The following FRS2 variants were observed in gnomAD, a reference collection of about 807,000 sequenced individuals.
The protein encoded by FRS2 is FGFR signalling adaptor.
In FRS2, 8 loss-of-function variants were observed where a neutral mutation model predicts 43.9. The ratio of observed to expected loss-of-function variants is 0.18; its 90% confidence interval spans 0.11 to 0.33. The LOEUF is 0.33. Ranked by LOEUF, FRS2 falls within the 10% of genes least tolerant of loss-of-function variation. The pLI, the probability that FRS2 is intolerant of heterozygous loss-of-function variation, is 1.00. For missense variants in FRS2, 534 were observed against 627.6 expected (o/e 0.85, Z 1.59); for synonymous variants, 219 against 220.3 (o/e 0.99, Z 0.05).
At chr12:69,498,332 C>T (rs1873097903) in intron 1 of FRS2, among the ~76,000 whole-genome samples, 1 of 152,034 alleles carries the variant, frequency 6.6e-6, no homozygotes, top group Non-Finnish European at 1.5e-5. Flanking sequence ...TGCTAATAGT[C>T]TAGTAGAGGC....
chr12:69,528,657 G>A (rs1467661280), intron 1 of FRS2, among the ~76,000 whole-genome samples: 2 of 152,140 alleles, frequency 1.3e-5, no homozygotes, highest in Admixed American at 6.5e-5. Context: ...TAGACACAAA[G>A]AAAGATCTAA....
At chr12:69,529,775 G>A (rs749927896) in intron 1 of FRS2, among the ~76,000 whole-genome samples, 47 of 151,982 alleles carry the variant, frequency 3.1e-4, no homozygotes, top group Non-Finnish European at 4.9e-4. Flanking sequence ...AAAAATACCC[G>A]TAGGCTGGAT....
rs906842752 is a variant in FRS2, at chr12:69,578,314, G to T, written c.*3359G>T. ...ATATTTCTGATGTGTGAGGTATATGGTACTAATTACCTTTTCCTTGATGTT... is the reference window on the plus strand; with the variant it reads ...ATATTTCTGATGTGTGAGGTATATGTTACTAATTACCTTTTCCTTGATGTT... On this transcript the variant is annotated 3_prime_UTR_variant, in exon 9 of 9. Coordinates refer to ENST00000549921, the MANE Select transcript of FRS2 (RefSeq NM_001278356.2). 8 of 152,640 alleles carry T rather than the reference G, an allele frequency of 5.2e-5. No individual in the cohort carries two copies. The South Asian group carries it at 6.2e-4, about 12-fold the overall frequency. The allele number at this position is 152,640 out of a possible 1,614,324, so 9.5% of individuals were successfully genotyped here. A position where few individuals can be genotyped will look rare whatever the true frequency, so the allele number is the denominator to read the frequency against.
chr12:69,530,981 T>C (rs79668456), intron 2 of FRS2, 21 bp downstream of exon 2: 1 of 152,070 alleles, frequency 6.6e-6, no homozygotes, highest in Non-Finnish European at 1.5e-5. Context: ...CCAAATCTTT[T>C]TTTTTTTTTT....
chr12:69,524,721 A>C (rs745664878), intron 1 of FRS2, among the ~76,000 whole-genome samples: 3 of 152,128 alleles, frequency 2.0e-5, no homozygotes, highest in Non-Finnish European at 4.4e-5. Context: ...GTGTTCCACT[A>C]CAGAGGCTGC....
chr12:69,543,262 A>G (rs1486912615), intron 3 of FRS2, among the ~76,000 whole-genome samples: 1 of 152,238 alleles, frequency 6.6e-6, no homozygotes, highest in Non-Finnish European at 1.5e-5. Flanking sequence ...GTAAAAATGT[A>G]AAAGCATTTG....
At chr12:69,573,653 G>T (rs1004829630) in intron 8 of FRS2, among the ~76,000 whole-genome samples, 1 of 152,062 alleles carries the variant, frequency 6.6e-6, no homozygotes, top group East Asian at 1.9e-4. Flanking sequence ...AGTAGGGACG[G>T]GGTTTCACCA....
At chr12:69,536,111 T>TG (rs1877262154) in intron 3 of FRS2, among the ~76,000 whole-genome samples, 1 of 43,972 alleles carries the variant, frequency 2.3e-5, no homozygotes, top group Admixed American at 2.4e-4. Flanking sequence ...CTTTTTTTTT[T>TG]TTTTTTTTTT....
chr12:69,543,353 CAA>C (rs1156504147), intron 3 of FRS2, among the ~76,000 whole-genome samples: 5 of 152,206 alleles, frequency 3.3e-5, no homozygotes, highest in African/African-American at 1.2e-4. Context: ...TATTTTTAAA[CAA>C]TATCTGAGAT....
intron 4 of FRS2, among the ~76,000 whole-genome samples, chr12:69,565,982 G>GTT (rs35354118): frequency 7.9e-5 from 12 of 151,346 alleles, no homozygotes; most frequent in African/African-American, 2.2e-4. Flanking sequence ...AGTGCAGTAG[G>GTT]TTTTTTTTTA....
chr12:69,479,873 T>C (rs1871205607), intron 1 of FRS2, among the ~76,000 whole-genome samples: 1 of 152,220 alleles, frequency 6.6e-6, no homozygotes, highest in Admixed American at 6.5e-5. Flanking sequence ...TTGGCCTTTT[T>C]CTTAAATTTT....
At chr12:69,557,279 A>G (rs1025488421) in intron 3 of FRS2, among the ~76,000 whole-genome samples, 13 of 152,244 alleles carry the variant, frequency 8.5e-5, no homozygotes, top group African/African-American at 3.1e-4. Context: ...GCTAAAGAAT[A>G]AAAACATGGA....
At chr12:69,515,399 T>A (rs2135587917) in intron 1 of FRS2, among the ~76,000 whole-genome samples, 1 of 152,372 alleles carries the variant, frequency 6.6e-6, no homozygotes, top group South Asian at 2.1e-4. Flanking sequence ...TTTGTGACTA[T>A]TTTTATAATT....
intron 1 of FRS2, among the ~76,000 whole-genome samples, chr12:69,515,852 A>T (rs1482865890): frequency 6.7e-6 from 1 of 149,236 alleles, no homozygotes; most frequent in Non-Finnish European, 1.5e-5. Flanking sequence ...TTTACATTTT[A>T]TATTGGTTTA....
chr12:69,535,823 A>G (rs1007510317), intron 3 of FRS2, among the ~76,000 whole-genome samples: 1 of 152,082 alleles, frequency 6.6e-6, no homozygotes, highest in Non-Finnish European at 1.5e-5. Context: ...CACCATGGCT[A>G]TGGGTTTGTC....
intron 1 of FRS2, among the ~76,000 whole-genome samples, chr12:69,496,362 G>A (rs1467298869): frequency 6.6e-6 from 1 of 152,020 alleles, no homozygotes; most frequent in African/African-American, 2.4e-5. Flanking sequence ...GCTTGAACCG[G>A]CGAGGCGGAG....
At position 69,553,160 on chromosome 12, in the gene FRS2, C is replaced by T. The variant is rs370550857; in HGVS notation, c.-121-9020C>T. 3.5e-4 allele frequency among the ~76,000 whole-genome samples: 54 copies of T among 152,250 alleles called. No individual in the cohort carries two copies. In the South Asian group the frequency reaches 0.01, roughly 29 times the overall value. On this transcript the variant is annotated intron_variant, in intron 3 of 8. Transcript: ENST00000549921. ...AATCTCGGCTCACTGCAACCTCCGC[C>T]TCCCAGGTACACAAGATTCTCCTGC...
chr12:69,553,262 G>A (rs1363523838), intron 3 of FRS2, among the ~76,000 whole-genome samples: 1 of 151,858 alleles, frequency 6.6e-6, no homozygotes, highest in Non-Finnish European at 1.5e-5. Flanking sequence ...TAGTAGAGAC[G>A]GGGTTTCACT....
At chr12:69,486,577 C>T (rs954235577) in intron 1 of FRS2, among the ~76,000 whole-genome samples, 3 of 152,138 alleles carry the variant, frequency 2.0e-5, no homozygotes, top group Non-Finnish European at 4.4e-5. Flanking sequence ...GGAGGAGTCA[C>T]ACATCTCTCA....
Sources: allele counts gnomAD v4.1 joint callset (sites outside exome capture counted in the v4.1 genomes callset), GRCh38; gene constraint gnomAD v4.1.1; transcripts MANE v1.5; gene names NCBI Gene and HGNC (gene_info 2026-07-23, HGNC 2026-07-21).